Variants in PHF20 observed in about 807,000 individuals in gnomAD.
The protein encoded by PHF20 is PHD finger protein 20.
A neutral mutation model predicts 113.5 loss-of-function variants in PHF20; 23 were observed. The ratio of observed to expected loss-of-function variants is 0.20; its 90% CI spans 0.15 to 0.29. PHF20 has a LOEUF of 0.29. Among genes scored for constraint, PHF20 ranks in the 10% least tolerant of loss-of-function variants. The pLI is 1.00. For missense variants in PHF20, 943 were observed against 1,219.6 expected (o/e 0.77, Z 3.38); for synonymous variants, 434 against 457.3 (o/e 0.95, Z 0.65).
chr20:35,932,371 G>C (rs375976024), intron 15 of PHF20, among the ~76,000 whole-genome samples: 9 of 147,364 alleles, frequency 6.1e-5, no homozygotes, highest in East Asian at 4.1e-4. Context: ...ACCTGGCTGA[G>C]TTATTTGTTT....
At position 35,938,912 on chromosome 20, in the gene PHF20, A is replaced by G; in HGVS notation, c.2516A>G (p.His839Arg). 1 of 1,614,164 alleles carries G rather than the reference A, an allele frequency of 6.2e-7. No homozygotes were observed. Among genetic ancestry groups the G allele is most frequent in the African/African-American group, 1.3e-5 (1 of 75,048 alleles). The change falls in exon 16 of 18, where the codon CAT (histidine) becomes CGT (arginine). Residue 839 changes from histidine to arginine, a missense_variant. By Grantham distance (29) the His-to-Arg change is conservative. Coordinates refer to ENST00000374012, the MANE Select transcript of PHF20 (RefSeq NM_016436.5). The part of the protein sequence containing the change: ...SVEESYITSE[H>R]CYQKPRAYYP... ...GAGGAATCCTATATCACCAGTGAGC[A>G]TTGCTACCAGAAGCCCCGCGCCTAT...
intron 1 of PHF20, among the ~76,000 whole-genome samples, chr20:35,797,735 T>C (rs2041696058): frequency 6.8e-6 from 1 of 147,112 alleles, no homozygotes; most frequent in African/African-American, 2.5e-5. Context: ...CACTGCAACC[T>C]CCGCCTCCTG....
intron 1 of PHF20, chr20:35,774,895 A>G (rs765048880): frequency 6.6e-6 from 1 of 152,226 alleles, no homozygotes; most frequent in Admixed American, 6.5e-5. Context: ...AAGCTGTTTT[A>G]TATTTCATGT....
At chr20:35,928,386 C>T (rs1481182744) in intron 14 of PHF20, among the ~76,000 whole-genome samples, 1 of 139,902 alleles carries the variant, frequency 7.1e-6, no homozygotes, top group Non-Finnish European at 1.5e-5. Flanking sequence ...TTGCAGTGAG[C>T]CGAGATCATG....
chr20:35,797,896 C>CA (rs1291151931), intron 1 of PHF20, among the ~76,000 whole-genome samples: 5 of 151,918 alleles, frequency 3.3e-5, no homozygotes, highest in Admixed American at 6.6e-5. Flanking sequence ...GTGATCCTCC[C>CA]ACCTCGACCT....
chr20:35,883,581 A>G (rs1019527828), intron 9 of PHF20, among the ~76,000 whole-genome samples: 4 of 152,198 alleles, frequency 2.6e-5, no homozygotes, highest in African/African-American at 9.7e-5. Context: ...CATTGGGACC[A>G]CAGGCACTCG....
chr20:35,876,456 A>C (rs60045557), intron 9 of PHF20, among the ~76,000 whole-genome samples: 1 of 151,658 alleles, frequency 6.6e-6, no homozygotes, highest in South Asian at 2.1e-4. Flanking sequence ...CTGTAATCCT[A>C]GCTACTCGGG....
intron 9 of PHF20, among the ~76,000 whole-genome samples, chr20:35,878,943 G>C (rs548785098): frequency 3.9e-5 from 6 of 152,280 alleles, no homozygotes; most frequent in South Asian, 4.1e-4. Flanking sequence ...GTCATTCAAG[G>C]AAGTCAAGTT....
chr20:35,786,111 G>A (rs1323940055), intron 1 of PHF20, among the ~76,000 whole-genome samples: 4 of 151,938 alleles, frequency 2.6e-5, no homozygotes, highest in Non-Finnish European at 5.9e-5. Flanking sequence ...CTTCCCAGCT[G>A]GGCGTGGTGG....
intron 1 of PHF20, among the ~76,000 whole-genome samples, chr20:35,789,843 GCCCCCGCCCCCCC>G (rs1235582831): frequency 3.5e-5 from 1 of 28,202 alleles, no homozygotes; most frequent in Non-Finnish European, 6.2e-5. Flanking sequence ...ATGGCGCCCA[GCCCCCGCCCCCCC>G]CCCCCCCTTT....
At chr20:35,922,002 T>C (rs1158505086) in intron 13 of PHF20, among the ~76,000 whole-genome samples, 2 of 152,206 alleles carry the variant, frequency 1.3e-5, no homozygotes, top group African/African-American at 2.4e-5. Flanking sequence ...AGCAAGGATC[T>C]TGGTGTGTTT....
At chr20:35,879,824 A>G (rs2054595036) in intron 9 of PHF20, among the ~76,000 whole-genome samples, 1 of 151,342 alleles carries the variant, frequency 6.6e-6, no homozygotes, top group African/African-American at 2.4e-5. Context: ...ACAGAATAAA[A>G]CCCCAAAAAA....
chr20:35,847,338 T>TA lies in PHF20; in HGVS notation c.256-11dup. 1 of 1,565,826 alleles carries TA rather than the reference T, an allele frequency of 6.4e-7. No homozygotes were observed. The highest frequency in any genetic ancestry group is 8.7e-7 in the Non-Finnish European group (1 of 1,147,828). On this transcript the variant is annotated splice_polypyrimidine_tract_variant and intron_variant, in intron 3 of 17. Coordinates refer to ENST00000374012, the MANE Select transcript of PHF20 (RefSeq NM_016436.5). ...GGTAACAGGATCTTTTTTTTTTTTT[T>TA]ATGTTTTTTAGGAATTTCAAATAAA...
At chr20:35,927,665 C>T (rs973753884) in intron 13 of PHF20, 115 bp from the exon 14 acceptor site, 4 of 786,188 alleles carry the variant, frequency 5.1e-6, no homozygotes, top group Non-Finnish European at 9.0e-6. Context: ...AGGGAGTGCT[C>T]CTTCCTCCCC....
At chr20:35,931,501 A>G in intron 15 of PHF20, 57 bp downstream of exon 15, 1 of 1,327,014 alleles carries the variant, frequency 7.5e-7, no homozygotes, top group Non-Finnish European at 1.0e-6. Flanking sequence ...CTGGGGGCTG[A>G]GTAAATCTGA....
chr20:35,902,788 C>T (rs775802742), intron 10 of PHF20, among the ~76,000 whole-genome samples: 1 of 152,168 alleles, frequency 6.6e-6, no homozygotes, highest in Non-Finnish European at 1.5e-5. Flanking sequence ...TACTACCTAC[C>T]TCATAACTTT....
chr20:35,811,444 G>A (rs1326307969), intron 2 of PHF20, among the ~76,000 whole-genome samples: 1 of 149,548 alleles, frequency 6.7e-6, no homozygotes, highest in Non-Finnish European at 1.5e-5. Flanking sequence ...CTAAGTCCCA[G>A]CTTTTTTTTT....
chr20:35,888,706 C>T (rs1028760036), intron 9 of PHF20, among the ~76,000 whole-genome samples: 1 of 151,726 alleles, frequency 6.6e-6, no homozygotes, highest in African/African-American at 2.4e-5. Context: ...ATCACTTGAG[C>T]CAAGGAGTTG....
In PHF20 at chr20:35,949,017, T is replaced by TTGTGGACA. The variant is rs1600988242; in HGVS notation, c.*1393_*1400dup. 1.3e-5 allele frequency: 2 copies of TTGTGGACA among 152,644 alleles called. No individual in the cohort carries two copies. The highest frequency in any genetic ancestry group is 6.5e-5 in the Admixed American group (1 of 15,288). The allele number at this position is 152,644 out of a possible 1,614,324, so 9.5% of individuals were successfully genotyped here. A position where few individuals can be genotyped will look rare whatever the true frequency, so the allele number is the denominator to read the frequency against. ...CTTTGGAATAGTTAAGCACAGGTCA[T>TTGTGGACA]TGTGGACATGAATTCAGGCCTCTGT... On this transcript the variant is annotated 3_prime_UTR_variant, in exon 18 of 18. Transcript: ENST00000374012.
Sources: allele counts gnomAD v4.1 joint callset (sites outside exome capture counted in the v4.1 genomes callset), GRCh38; gene constraint gnomAD v4.1.1; transcripts MANE v1.5; gene names NCBI Gene and HGNC (gene_info 2026-07-23, HGNC 2026-07-21).